COLEC10: variants seen among roughly 807,000 people sequenced by gnomAD.
COLEC10 encodes the protein collectin subfamily member 10.
Under a neutral mutation model 28.4 loss-of-function variants are expected in COLEC10, and 22 were observed. That is an observed-to-expected ratio of 0.78 (90% CI 0.55 to 1.11). The LOEUF is 1.11. COLEC10 is among the 50% of genes least tolerant of loss of function. The pLI, the probability that COLEC10 is intolerant of heterozygous loss-of-function variation, is 0.00. For missense variants in COLEC10, 361 were observed against 344.1 expected, an observed-to-expected ratio of 1.05 and a Z score of -0.39; for synonymous variants, 125 against 116.1, an observed-to-expected ratio of 1.08 and a Z score of -0.49.
At chr8:118,956,588 A>G in the COLEC10 span, among the ~76,000 whole-genome samples, 1 of 152,218 alleles carries the variant, frequency 6.6e-6, no homozygotes, top group South Asian at 2.1e-4. Flanking sequence ...CCAGAAACTC[A>G]GATAGTCATC....
At chr8:119,009,315 G>A (rs1347323939) in intron 1 of COLEC10, 1 of 150,974 alleles carries the variant, frequency 6.6e-6, no homozygotes, top group Non-Finnish European at 1.5e-5. Flanking sequence ...CCTGTGAGAG[G>A]CGATTTGGTT....
At chr8:119,052,390 G>T (rs1048084393) in intron 2 of COLEC10, among the ~76,000 whole-genome samples, 1 of 151,690 alleles carries the variant, frequency 6.6e-6, no homozygotes, top group Admixed American at 6.6e-5. Context: ...GTTATTACAG[G>T]TCCTTTCAGC....
chr8:119,059,527 T>C (rs1814818150), intron 2 of COLEC10, among the ~76,000 whole-genome samples: 1 of 152,118 alleles, frequency 6.6e-6, no homozygotes, highest in Non-Finnish European at 1.5e-5. Context: ...TGAGAATGTA[T>C]TTCTGGGCTT....
At chr8:118,985,217 G>C in the COLEC10 span, among the ~76,000 whole-genome samples, 2 of 151,984 alleles carry the variant, frequency 1.3e-5, no homozygotes, top group Non-Finnish European at 2.9e-5. Flanking sequence ...CCAAGTTCAT[G>C]GAACTTTGCT....
At chr8:118,969,754 T>C in the COLEC10 span, among the ~76,000 whole-genome samples, 2,649 of 151,852 alleles carry the variant, frequency 0.017, 71 homozygotes, top group African/African-American at 0.061. Context: ...GCAAGTTGGA[T>C]AGAGTGGGTT....
intron 2 of COLEC10, among the ~76,000 whole-genome samples, chr8:119,038,692 A>G (rs1814435334): frequency 6.6e-6 from 1 of 152,218 alleles, no homozygotes; most frequent in African/African-American, 2.4e-5. Flanking sequence ...ACACCTGTGA[A>G]TCTATCACTG....
chr8:119,048,610 T>C lies in COLEC10; in HGVS notation n.235+39057T>C, dbSNP rs139636854. ...TGTAATATCCTTTTTTTGTCCTTCT[T>C]AATTTTCATTGGTTTAAAATCTGTT... On this transcript the variant is annotated intron_variant and non_coding_transcript_variant, in intron 2 of 6. Coordinates refer to the COLEC10 transcript ENST00000521788. Among the ~76,000 whole-genome samples, 472 of 152,298 alleles carry C rather than the reference T, an allele frequency of 3.1e-3. 4 individuals carry two copies. The highest frequency in any genetic ancestry group is 0.01 in the Middle Eastern group (3 of 294).
intron 1 of COLEC10, among the ~76,000 whole-genome samples, chr8:119,088,391 T>A (rs985236004): frequency 6.6e-6 from 1 of 152,202 alleles, no homozygotes. Context: ...CAATGTTTGA[T>A]CAATCTCACA....
intron 3 of COLEC10, 120 bp downstream of exon 3, chr8:119,091,340 G>A (rs951776728): frequency 2.7e-5 from 16 of 599,218 alleles, no homozygotes; most frequent in South Asian, 7.1e-5. Flanking sequence ...TTGAAGCCAA[G>A]AATTCAAAAC....
Position 119,074,824 on chromosome 8 carries a change from G to A in COLEC10, c.148+7395G>A, listed in dbSNP as rs114047785. 2.1e-3 allele frequency among the ~76,000 whole-genome samples: 317 copies of A among 152,320 alleles called. 1 individual carries two copies. Among genetic ancestry groups the A allele is most frequent in the African/African-American group, 7.0e-3 (289 of 41,558 alleles). ...CCTTATTAGTAAAATGGAAATAACA[G>A]TGGTAAATACGCCTAGGGTTGTCAT... On this transcript the variant is annotated intron_variant, in intron 1 of 5. Transcript: ENST00000332843.
At chr8:118,970,612 C>T in the COLEC10 span, among the ~76,000 whole-genome samples, 2 of 150,204 alleles carry the variant, frequency 1.3e-5, no homozygotes, top group African/African-American at 2.5e-5. Context: ...TATGTTTATG[C>T]CTTTTCTTTC....
chr8:119,073,338 A>C (rs1319558674), intron 1 of COLEC10, among the ~76,000 whole-genome samples: 1 of 152,218 alleles, frequency 6.6e-6, no homozygotes, highest in Admixed American at 6.5e-5. Flanking sequence ...TTAGAAAAGG[A>C]GTTCATGAGA....
upstream of COLEC10, among the ~76,000 whole-genome samples, chr8:119,063,520 TTCA>T (rs1334390016): frequency 3.3e-5 from 5 of 152,122 alleles, no homozygotes; most frequent in Non-Finnish European, 5.9e-5. Context: ...GCCTTCTCCT[TTCA>T]TCTCTGTCTC....
intron 1 of COLEC10, among the ~76,000 whole-genome samples, chr8:119,006,116 T>C (rs1489676864): frequency 6.6e-6 from 1 of 152,094 alleles, no homozygotes; most frequent in Non-Finnish European, 1.5e-5. Flanking sequence ...TGTCTCTGAC[T>C]CAGATGTCTC....
At chr8:119,056,787 C>T (rs1323169732) in intron 2 of COLEC10, among the ~76,000 whole-genome samples, 3 of 151,920 alleles carry the variant, frequency 2.0e-5, no homozygotes, top group African/African-American at 4.8e-5. Flanking sequence ...AAAATCTTCA[C>T]GGGCCACGAT....
intron 2 of COLEC10, among the ~76,000 whole-genome samples, chr8:119,060,910 TAAATC>T (rs769928632): frequency 1.3e-5 from 2 of 151,922 alleles, no homozygotes; most frequent in Non-Finnish European, 2.9e-5. Flanking sequence ...ATATATAAAT[TAAATC>T]AAACAGAAGC....
the COLEC10 span, among the ~76,000 whole-genome samples, chr8:118,958,515 G>C: frequency 6.6e-6 from 1 of 152,186 alleles, no homozygotes; most frequent in Non-Finnish European, 1.5e-5. Context: ...TGGCAGGAAT[G>C]CCTCCTCGGC....
At chr8:119,010,247 A>G (rs1118342) in intron 2 of COLEC10, among the ~76,000 whole-genome samples, 34,086 of 150,426 alleles carry the variant, frequency 0.23, 4,571 homozygotes, top group East Asian at 0.37. Flanking sequence ...CCGGAGTGTC[A>G]AATAGTTGGG....
chr8:119,044,727 C>T (rs767306431), intron 2 of COLEC10, among the ~76,000 whole-genome samples: 8 of 151,688 alleles, frequency 5.3e-5, no homozygotes, highest in African/African-American at 1.9e-4. Context: ...TGGTGGCTCA[C>T]GTCTGTAATC....
Sources: gnomAD v4.1 joint callset for allele counts (sites outside exome capture counted in the v4.1 genomes callset) on GRCh38, gnomAD v4.1.1 for gene constraint, MANE v1.5 for transcripts, NCBI Gene and HGNC (gene_info 2026-07-23, HGNC 2026-07-21) for gene names.